The following UBXN8 variants were observed in gnomAD, a reference collection of about 807,000 sequenced individuals.
UBXN8 encodes the protein UBX domain-containing protein 8.
UBXN8 carries 27 observed loss-of-function variants against 32.1 expected under a neutral mutation model. The observed-to-expected ratio is 0.84, with a 90% CI of 0.62 to 1.16. The LOEUF (loss-of-function observed/expected upper bound fraction) is 1.16, where lower values mean the gene tolerates loss of function less well. Ranked by LOEUF, UBXN8 falls within the 50% of genes most tolerant of loss-of-function variation. The probability of loss-of-function intolerance (pLI) is 0.00; values close to 1 mark genes in which losing one functional copy is unlikely to be tolerated. For missense variants in UBXN8, 306 were observed against 311.4 expected (o/e 0.98, Z 0.13); for synonymous variants, 109 against 111.8 (o/e 0.98, Z 0.16).
chr8:30,757,731 C>T (rs969228456), intron 5 of UBXN8, among the ~76,000 whole-genome samples: 6 of 150,618 alleles, frequency 4.0e-5, no homozygotes, highest in Non-Finnish European at 5.9e-5. Flanking sequence ...CAGTGGCAGG[C>T]GCCTGTAATC....
intron 6 of UBXN8, 186 bp from the exon 7 acceptor site, chr8:30,763,087 C>A: frequency 1.7e-6 from 1 of 575,008 alleles, no homozygotes; most frequent in Non-Finnish European, 3.0e-6. Context: ...CTCAAGTGGT[C>A]TGCCTGTCTC....
chr8:30,737,434 G>A (rs1013989169), intron 1 of UBXN8, among the ~76,000 whole-genome samples: 3 of 152,164 alleles, frequency 2.0e-5, no homozygotes, highest in Non-Finnish European at 4.4e-5. Context: ...CATCCCAGCT[G>A]ACATATAAAA....
chr8:30,732,446 A>T, upstream of UBXN8: 1 of 376,186 alleles, frequency 2.7e-6, no homozygotes, highest in Non-Finnish European at 4.7e-6. Context: ...TTTGTAATCT[A>T]CCGGAGCCTA....
At chr8:30,755,241 C>T (rs573697748) in intron 4 of UBXN8, among the ~76,000 whole-genome samples, 1 of 152,256 alleles carries the variant, frequency 6.6e-6, no homozygotes, top group East Asian at 1.9e-4. Flanking sequence ...AGGCGTGAGC[C>T]ACTGAGCCCA....
upstream of UBXN8, among the ~76,000 whole-genome samples, chr8:30,740,675 T>C (rs916383115): frequency 8.6e-5 from 13 of 151,616 alleles, no homozygotes; most frequent in Non-Finnish European, 1.3e-4. Flanking sequence ...CAGTGAGCTA[T>C]GCTTGTGCCA....
chr8:30,754,631 A>T, intron 3 of UBXN8, 34 bp from the exon 4 acceptor site: 1 of 1,527,484 alleles, frequency 6.5e-7, no homozygotes, highest in South Asian at 1.3e-5. Flanking sequence ...ACATTAATGG[A>T]TAGTAACAAC....
At chr8:30,731,766 C>T (rs1473157723), upstream of UBXN8, among the ~76,000 whole-genome samples, 1 of 152,176 alleles carries the variant, frequency 6.6e-6, no homozygotes, top group African/African-American at 2.4e-5. Context: ...AAAAACAGTA[C>T]CTGGTCCCCA....
At chr8:30,765,623 G>A (rs894299600) in intron 7 of UBXN8, among the ~76,000 whole-genome samples, 1 of 150,224 alleles carries the variant, frequency 6.7e-6, no homozygotes, top group African/African-American at 2.5e-5. Context: ...GTGGGATCTC[G>A]GCTCACTGCA....
chr8:30,741,751 C>G (rs1225412437), upstream of UBXN8, among the ~76,000 whole-genome samples: 8 of 152,070 alleles, frequency 5.3e-5, no homozygotes, highest in African/African-American at 1.5e-4. Context: ...CGCCCGGCCA[C>G]AATGTTCTTT....
At chr8:30,743,918 C>T (rs531269632), upstream of UBXN8, among the ~76,000 whole-genome samples, 32 of 152,314 alleles carry the variant, frequency 2.1e-4, no homozygotes, top group African/African-American at 6.7e-4. Context: ...CCCTGCCCTG[C>T]TACCCTCCAG....
chr8:30,732,423 A>G (rs1250137059), upstream of UBXN8: 18 of 390,156 alleles, frequency 4.6e-5, 1 homozygote. Flanking sequence ...GGGATCAGAA[A>G]GAAAGCAGGT....
At chr8:30,751,877 A>G (rs903114798) in intron 2 of UBXN8, among the ~76,000 whole-genome samples, 5 of 151,000 alleles carry the variant, frequency 3.3e-5, no homozygotes, top group African/African-American at 7.3e-5. Context: ...TACAGAGTCA[A>G]TGTATCTACC....
chr8:30,734,617 C>T lies in UBXN8; in HGVS notation c.622+1309C>T, dbSNP rs527908601. ...CTTGGGTGACAGAATGAGACACTAT[C>T]TCTTAAAAAAAAAAAAAATTTCTTT... is the stretch of plus-strand genomic sequence containing the variant. On this transcript the variant is annotated intron_variant, in intron 1 of 1. Transcript: ENST00000522968. 2.6e-3 allele frequency among the ~76,000 whole-genome samples: 386 copies of T among 150,978 alleles called. 2 individuals are homozygous for T. The highest frequency in any genetic ancestry group is 9.0e-3 in the African/African-American group (368 of 41,058).
At chr8:30,729,550 C>T (rs1322179786), upstream of UBXN8, among the ~76,000 whole-genome samples, 4 of 152,110 alleles carry the variant, frequency 2.6e-5, no homozygotes, top group Non-Finnish European at 4.4e-5. Flanking sequence ...TGAAAAAGTG[C>T]GTGTGTGCCC....
upstream of UBXN8, among the ~76,000 whole-genome samples, chr8:30,729,329 C>T (rs556062893): frequency 2.0e-4 from 30 of 152,314 alleles, 1 homozygote; most frequent in East Asian, 3.9e-3. Context: ...ACTTGGAGTC[C>T]GGACATTTGA....
chr8:30,731,572 T>C (rs1439448410), upstream of UBXN8, among the ~76,000 whole-genome samples: 1 of 152,126 alleles, frequency 6.6e-6, no homozygotes, highest in Non-Finnish European at 1.5e-5. Flanking sequence ...CGGGAGTCAT[T>C]ATGACCCTTA....
chr8:30,752,731 G>A (rs531725750), intron 2 of UBXN8, among the ~76,000 whole-genome samples: 1 of 152,282 alleles, frequency 6.6e-6, no homozygotes, highest in East Asian at 1.9e-4. Context: ...ATGCTACTAG[G>A]AAGAAGCTTG....
intron 5 of UBXN8, among the ~76,000 whole-genome samples, chr8:30,759,752 C>T (rs908449171): frequency 2.7e-5 from 4 of 150,690 alleles, no homozygotes; most frequent in South Asian, 2.1e-4. Flanking sequence ...GTCAGGAAGT[C>T]GAGACCATCT....
chr8:30,740,807 T>A (rs542751205), upstream of UBXN8, among the ~76,000 whole-genome samples: 2 of 152,190 alleles, frequency 1.3e-5, no homozygotes, highest in South Asian at 2.1e-4. Context: ...ATTTTACTGT[T>A]CCAGGAATTC....
Sources: allele counts gnomAD v4.1 joint callset (sites outside exome capture counted in the v4.1 genomes callset), GRCh38; gene constraint gnomAD v4.1.1; transcripts MANE v1.5; gene names NCBI Gene and HGNC (gene_info 2026-07-23, HGNC 2026-07-21).